Variants in SORCS1 observed in about 807,000 individuals in gnomAD.
SORCS1 encodes sortilin related VPS10 domain containing receptor 1.
A neutral mutation model predicts 146.1 loss-of-function variants in SORCS1; 60 were observed. The ratio of observed to expected loss-of-function variants is 0.41; its 90% CI spans 0.33 to 0.51. SORCS1 has a LOEUF of 0.51. Among genes scored for constraint, SORCS1 ranks in the 20% least tolerant of loss-of-function variants. The probability of loss-of-function intolerance (pLI) is 0.21; values close to 1 mark genes in which losing one functional copy is unlikely to be tolerated. For synonymous variants in SORCS1, 637 were observed against 584.0 expected, an observed-to-expected ratio of 1.09 and a Z score of -1.31; for missense variants, 1,352 against 1,487.6, an observed-to-expected ratio of 0.91 and a Z score of 1.50.
chr10:107,121,240 G>A (rs1342970633), intron 1 of SORCS1, among the ~76,000 whole-genome samples: 3 of 152,124 alleles, frequency 2.0e-5, no homozygotes, highest in Non-Finnish European at 4.4e-5. Flanking sequence ...CTGGAATATA[G>A]TAGCTCAGTA....
intron 1 of SORCS1, among the ~76,000 whole-genome samples, chr10:107,075,384 T>A (rs1962787233): frequency 6.6e-6 from 1 of 152,278 alleles, no homozygotes; most frequent in African/African-American, 2.4e-5. Context: ...TCTTCTATGA[T>A]GCAGTTTAAG....
chr10:107,016,011 C>A (rs1456859052), intron 1 of SORCS1, among the ~76,000 whole-genome samples: 1 of 152,028 alleles, frequency 6.6e-6, no homozygotes, highest in East Asian at 1.9e-4. Flanking sequence ...AGACTATTAG[C>A]AATCAATTAT....
intron 1 of SORCS1, among the ~76,000 whole-genome samples, chr10:106,993,530 T>C (rs768707673): frequency 5.9e-5 from 9 of 152,172 alleles, no homozygotes; most frequent in Non-Finnish European, 1.2e-4. Context: ...CAGAAGAGTA[T>C]GCAGGAATTT....
At chr10:106,692,921 T>C (rs1038192847) in intron 9 of SORCS1, among the ~76,000 whole-genome samples, 3 of 151,986 alleles carry the variant, frequency 2.0e-5, no homozygotes, top group African/African-American at 7.2e-5. Flanking sequence ...AATTATTATA[T>C]ATACCCTGAA....
chr10:106,907,572 C>A (rs1050501881), intron 2 of SORCS1, among the ~76,000 whole-genome samples: 10 of 151,964 alleles, frequency 6.6e-5, no homozygotes, highest in African/African-American at 2.4e-4. Context: ...TGATAATCAG[C>A]AAATTAGTAA....
intron 15 of SORCS1, 120 bp from the exon 16 acceptor site, chr10:106,671,487 T>C: frequency 7.2e-7 from 1 of 1,384,768 alleles, no homozygotes; most frequent in South Asian, 1.4e-5. Context: ...TTGGTAGCCC[T>C]CTTTGTGCTA....
intron 1 of SORCS1, among the ~76,000 whole-genome samples, chr10:107,082,399 C>T (rs1963396129): frequency 6.6e-6 from 1 of 152,152 alleles, no homozygotes; most frequent in African/African-American, 2.4e-5. Context: ...TCACACAGTG[C>T]TGTTCAAAGG....
At chr10:106,869,573 T>C (rs924388472) in intron 2 of SORCS1, among the ~76,000 whole-genome samples, 7 of 152,018 alleles carry the variant, frequency 4.6e-5, no homozygotes, top group Admixed American at 2.0e-4. Context: ...ATCACATAAA[T>C]AGAACTAAAG....
chr10:106,816,425 T>A (rs1947743723), intron 3 of SORCS1, among the ~76,000 whole-genome samples: 1 of 152,192 alleles, frequency 6.6e-6, no homozygotes, highest in African/African-American at 2.4e-5. Context: ...GAGGGCTCAG[T>A]GCCTGATGTC....
At chr10:107,173,931 T>C in the SORCS1 span, among the ~76,000 whole-genome samples, 1 of 152,216 alleles carries the variant, frequency 6.6e-6, no homozygotes, top group African/African-American at 2.4e-5. Context: ...AAGCACTTCT[T>C]AATTATTAGA....
rs1277692043 is a variant in SORCS1 at position 106,576,323 on chromosome 10, C to T, written c.*1097G>A. ...GGCCAGGCCAGTATTTAGGAAACGT[C>T]AGGGTTAATGTCCAGAATCTAGCAA... On this transcript the variant is annotated 3_prime_UTR_variant, in exon 26 of 26. Coordinates refer to ENST00000263054, the MANE Select transcript of SORCS1 (RefSeq NM_052918.5). 6.6e-6 allele frequency: 1 copy of T among 152,352 alleles called. No homozygotes were observed. The highest frequency in any genetic ancestry group is 1.9e-4 in the East Asian group (1 of 5,204). The allele number at this position is 152,352 out of a possible 1,614,324, so 9.4% of individuals were successfully genotyped here.
intron 1 of SORCS1, among the ~76,000 whole-genome samples, chr10:106,991,729 G>T (rs2015391): frequency 0.17 from 26,440 of 152,066 alleles, 7,033 homozygotes; most frequent in African/African-American, 0.58. Flanking sequence ...TCACTAGAAG[G>T]GGGAAAGGGA....
chr10:106,824,734 A>C (rs567966840), intron 3 of SORCS1, among the ~76,000 whole-genome samples: 1 of 152,356 alleles, frequency 6.6e-6, no homozygotes, highest in East Asian at 1.9e-4. Flanking sequence ...AGGGTAATTA[A>C]AACTTAAACA....
chr10:106,994,004 T>G (rs1279380318), intron 1 of SORCS1, among the ~76,000 whole-genome samples: 2 of 132,798 alleles, frequency 1.5e-5, no homozygotes, highest in Non-Finnish European at 3.0e-5. Context: ...GAGACTGCAG[T>G]GAGCCAAGGT....
intron 5 of SORCS1, among the ~76,000 whole-genome samples, chr10:106,736,549 C>T (rs1166446173): frequency 1.5e-5 from 2 of 136,752 alleles, no homozygotes; most frequent in Non-Finnish European, 3.1e-5. Flanking sequence ...GTTTCCCCTT[C>T]ACCTGCCACT....
chr10:106,709,829 C>G (rs1004451734), intron 6 of SORCS1, among the ~76,000 whole-genome samples: 8 of 152,084 alleles, frequency 5.3e-5, no homozygotes, highest in Admixed American at 5.2e-4. Flanking sequence ...AAATTATTAT[C>G]ATTATTATTT....
At chr10:106,638,981 A>G (rs975677506) in intron 18 of SORCS1, among the ~76,000 whole-genome samples, 7 of 152,224 alleles carry the variant, frequency 4.6e-5, no homozygotes, top group Admixed American at 4.6e-4. Context: ...TTGTGCATCC[A>G]CATATACATA....
At chr10:106,916,394 G>C (rs1380313400) in intron 2 of SORCS1, among the ~76,000 whole-genome samples, 1 of 150,438 alleles carries the variant, frequency 6.6e-6, no homozygotes, top group African/African-American at 2.4e-5. Flanking sequence ...CCAATTTTTT[G>C]TTTCTAATTG....
intron 16 of SORCS1, among the ~76,000 whole-genome samples, chr10:106,669,157 C>T (rs1851393759): frequency 1.3e-5 from 2 of 151,984 alleles, no homozygotes; most frequent in Non-Finnish European, 2.9e-5. Context: ...CTAAGGGGCA[C>T]GAGAGACACG....
Sources: gnomAD v4.1 joint callset for allele counts (sites outside exome capture counted in the v4.1 genomes callset) on GRCh38, gnomAD v4.1.1 for gene constraint, MANE v1.5 for transcripts, NCBI Gene and HGNC (gene_info 2026-07-23, HGNC 2026-07-21) for gene names.